Variants in TMEM165 observed in about 807,000 individuals in gnomAD.
TMEM165 encodes putative divalent cation/proton antiporter TMEM165.
A neutral mutation model predicts 30.0 loss-of-function variants in TMEM165; 19 were observed. The ratio of observed to expected loss-of-function variants is 0.63; its 90% CI spans 0.44 to 0.93. The LOEUF is 0.93. Ranked by LOEUF, TMEM165 falls within the 40% of genes least tolerant of loss-of-function variation. The pLI, the probability that TMEM165 is intolerant of heterozygous loss-of-function variation, is 0.00. For missense variants in TMEM165, 340 were observed against 417.0 expected (o/e 0.82, Z 1.61); for synonymous variants, 168 against 162.9 (o/e 1.03, Z -0.24).
At chr4:55,422,631 C>G (rs1185208854) in intron 4 of TMEM165, among the ~76,000 whole-genome samples, 1 of 151,808 alleles carries the variant, frequency 6.6e-6, no homozygotes, top group Non-Finnish European at 1.5e-5. Flanking sequence ...GGGAGAGAAA[C>G]TTGGGTGTCA....
chr4:55,446,968 AC>A (rs1012402830), intron 3 of TMEM165, among the ~76,000 whole-genome samples: 46 of 152,300 alleles, frequency 3.0e-4, no homozygotes, highest in African/African-American at 1.0e-3. Context: ...ATTAACAATA[AC>A]CAGACCATAT....
rs112922278 is a variant in TMEM165, at chr4:55,402,875, T to G, written c.207+6479T>G. Reference sequence around the variant, plus strand: ...GGCGTGATCTCGGCTCACTGCAAGCTCTGCCTCCCGGGTTCACGCCATTCT... The same window carrying G: ...GGCGTGATCTCGGCTCACTGCAAGCGCTGCCTCCCGGGTTCACGCCATTCT... On this transcript the variant is annotated intron_variant, in intron 1 of 5. Transcript: ENST00000381334. Among the ~76,000 whole-genome samples, 498 of 137,244 alleles carry G rather than the reference T, an allele frequency of 3.6e-3. 5 individuals are homozygous for G. Among genetic ancestry groups the G allele is most frequent in the African/African-American group, 0.013 (476 of 36,064 alleles). 90.0% of individuals were successfully genotyped at this position (137,244 alleles called of 152,430 possible). A position where few individuals can be genotyped will look rare whatever the true frequency, so the allele number is the denominator to read the frequency against.
intron 2 of TMEM165, among the ~76,000 whole-genome samples, chr4:55,413,384 G>A (rs913500460): frequency 2.0e-5 from 3 of 151,788 alleles, no homozygotes; most frequent in African/African-American, 4.9e-5. Context: ...GCATGATCCC[G>A]ACTCACTTAA....
intron 1 of TMEM165, among the ~76,000 whole-genome samples, chr4:55,402,906 G>C (rs1032624871): frequency 7.1e-6 from 1 of 141,308 alleles, no homozygotes; most frequent in South Asian, 2.4e-4. Context: ...ATTCTCCTGC[G>C]TCAGCCTCCC....
chr4:55,423,401 CTT>C (rs1722063433), intron 4 of TMEM165: 1 of 152,290 alleles, frequency 6.6e-6, no homozygotes, highest in South Asian at 2.1e-4. Flanking sequence ...TTCCTTCAGT[CTT>C]GTTCCCCTCT....
At chr4:55,406,396 C>A (rs1169521384) in intron 1 of TMEM165, among the ~76,000 whole-genome samples, 1 of 152,162 alleles carries the variant, frequency 6.6e-6, no homozygotes, top group Admixed American at 6.5e-5. Context: ...AGTTTGCCAA[C>A]CCCTGTTCTA....
chr4:55,406,903 C>T (rs1057283836), intron 1 of TMEM165, among the ~76,000 whole-genome samples: 4 of 152,192 alleles, frequency 2.6e-5, no homozygotes, highest in East Asian at 1.9e-4. Context: ...CTCAAGGGCT[C>T]CACCCATCTC....
chr4:55,426,373 A>AAACT (rs369780150), downstream of TMEM165, among the ~76,000 whole-genome samples: 2 of 152,178 alleles, frequency 1.3e-5, no homozygotes, highest in Non-Finnish European at 2.9e-5. Flanking sequence ...AAAAAGAAAA[A>AAACT]AACTAACTCA....
At position 55,425,494 on chromosome 4, in the gene TMEM165, ATTATCTTTC is replaced by A; in HGVS notation, c.*44_*52del. ...CTATATTTAGTTTAAAATAGGTAGT[ATTATCTTTC>A]TGTACATAGTGTACATTACAACTAA... On this transcript the variant is annotated 3_prime_UTR_variant, in exon 6 of 6. Coordinates refer to ENST00000381334, the MANE Select transcript of TMEM165 (RefSeq NM_018475.5). 6.9e-7 allele frequency: 1 copy of A among 1,454,180 alleles called. No homozygotes were observed. The highest frequency in any genetic ancestry group is 1.4e-5 in the African/African-American group (1 of 71,454). 90.1% of individuals were successfully genotyped at this position (1,454,180 alleles called of 1,614,324 possible).
At chr4:55,397,546 T>C (rs1202968937) in intron 1 of TMEM165, 1 of 152,154 alleles carries the variant, frequency 6.6e-6, no homozygotes, top group African/African-American at 2.4e-5. Flanking sequence ...TCTTCCCACC[T>C]TGGAGAACCA....
In TMEM165 at chr4:55,396,422, GAGGCTGCAGGGCCGGCTGCGCCGAGTACC is replaced by G. The variant is rs1337961566; in HGVS notation, c.207+32_207+60del. On this transcript the variant is annotated intron_variant, in intron 1 of 5. Transcript: ENST00000381334. ...GTGAGCGGGCCGGGATGGGGCGAGC[GAGGCTGCAGGGCCGGCTGCGCCGAGTACC>G]AGGCTCCAGGCCTTTGAAAGCGCCG... The G allele has an allele frequency of 1.1e-5, 15 of 1,416,634 alleles. No homozygotes were observed. In the East Asian group the frequency reaches 4.5e-4, roughly 42 times the overall value. 87.8% of individuals were successfully genotyped at this position (1,416,634 alleles called of 1,614,324 possible).
intron 3 of TMEM165, chr4:55,438,219 A>C: frequency 6.4e-7 from 1 of 1,567,910 alleles, no homozygotes; most frequent in African/African-American, 1.3e-5. Context: ...TGTTCACTTA[A>C]TGCTTAATTT....
chr4:55,420,146 T>TATATATATATATA (rs375498267), intron 4 of TMEM165, among the ~76,000 whole-genome samples: 14 of 41,580 alleles, frequency 3.4e-4, no homozygotes, highest in Admixed American at 9.1e-4. Flanking sequence ...TATTTATTTA[T>TATATATATATATA]TTTATTTATT....
chr4:55,450,300 G>T, intron 3 of TMEM165: 1 of 1,583,402 alleles, frequency 6.3e-7, no homozygotes, highest in Non-Finnish European at 8.7e-7. Flanking sequence ...TCACAATACT[G>T]TTAACAACAA....
intron 5 of TMEM165, 54 bp downstream of exon 5, chr4:55,424,697 A>G: frequency 8.5e-7 from 1 of 1,179,692 alleles, no homozygotes; most frequent in Non-Finnish European, 1.3e-6. Context: ...TGAGAGATTA[A>G]AGGGTGTTAG....
chr4:55,429,473 AGTTTT>A (rs1722376597), downstream of TMEM165: 2 of 152,170 alleles, frequency 1.3e-5, no homozygotes, highest in Admixed American at 6.5e-5. Context: ...TGTGTATGGA[AGTTTT>A]GTTTTGTTTT....
chr4:55,449,377 T>C (rs764588132), intron 3 of TMEM165: 8 of 1,581,974 alleles, frequency 5.1e-6, no homozygotes, highest in East Asian at 4.5e-5. Context: ...TTCAGAAGAA[T>C]ATCCACTAAA....
intron 3 of TMEM165, among the ~76,000 whole-genome samples, chr4:55,445,068 G>GCTTTTC (rs56391323): frequency 0.26 from 33,369 of 126,220 alleles, 5,476 homozygotes; most frequent in East Asian, 0.5. Flanking sequence ...TGGTTCTGGT[G>GCTTTTC]CTTCTTGCTC....
chr4:55,438,499 G>C, intron 3 of TMEM165: 1 of 1,613,780 alleles, frequency 6.2e-7, no homozygotes. Flanking sequence ...TACAGGAGCA[G>C]TCACTAATTT....
Sources: allele counts gnomAD v4.1 joint callset (sites outside exome capture counted in the v4.1 genomes callset), GRCh38; gene constraint gnomAD v4.1.1; transcripts MANE v1.5; gene names NCBI Gene and HGNC (gene_info 2026-07-23, HGNC 2026-07-21).